Variants in USP13 observed in about 807,000 individuals in gnomAD.
The protein encoded by USP13 is ubiquitin specific peptidase 13.
USP13 carries 68 observed loss-of-function variants against 107.8 expected under a neutral mutation model. The ratio of observed to expected loss-of-function variants is 0.63; its 90% CI spans 0.52 to 0.77. The LOEUF is 0.77. USP13 is among the 30% of genes least tolerant of loss of function. The probability of loss-of-function intolerance (pLI) is 0.00; values close to 1 mark genes in which losing one functional copy is unlikely to be tolerated. For synonymous variants in USP13, 377 were observed against 389.5 expected (o/e 0.97, Z 0.38); for missense variants, 945 against 1,093.3 (o/e 0.86, Z 1.91).
chr3:179,764,157 C>T lies in USP13; in HGVS notation c.2248C>T (p.Leu750=). ...GFQRNQAIQA[L]RATNNNLERA... ...TCAGCGAAATCAGGCTATTCAGGCA[C>T]TACGAGCAACGGTGAGCATGAGAGA... is the stretch of plus-strand genomic sequence containing the variant. The change falls in exon 18 of 21, where the codon CTA becomes TTA. Residue 750 remains leucine, a synonymous_variant. Transcript: ENST00000263966. 6.2e-7 allele frequency: 1 copy of T among 1,610,850 alleles called. No individual in the cohort carries two copies. Among genetic ancestry groups the T allele is most frequent in the Non-Finnish European group, 8.5e-7 (1 of 1,179,516 alleles).
intron 10 of USP13, among the ~76,000 whole-genome samples, chr3:179,733,221 A>G (rs1212313623): frequency 1.3e-5 from 2 of 152,166 alleles, no homozygotes; most frequent in African/African-American, 4.8e-5. Flanking sequence ...GGTCTTGAAG[A>G]AAGAATCTTG....
chr3:179,706,897 A>T (rs776782792), intron 4 of USP13, 37 bp from the exon 5 acceptor site: 63 of 1,559,750 alleles, frequency 4.0e-5, no homozygotes, highest in Non-Finnish European at 8.7e-7. Flanking sequence ...ATTTTCTCAA[A>T]CTGTTTTTAT....
chr3:179,741,369 C>A (rs1714194316), intron 11 of USP13, among the ~76,000 whole-genome samples: 1 of 152,136 alleles, frequency 6.6e-6, no homozygotes, highest in Non-Finnish European at 1.5e-5. Flanking sequence ...AGTGGTTTCT[C>A]TTGTCTGCCT....
At chr3:179,728,950 A>AGGGAGAGGGAGACCGTG (rs1273165166) in intron 8 of USP13, among the ~76,000 whole-genome samples, 3 of 150,228 alleles carry the variant, frequency 2.0e-5, no homozygotes, top group African/African-American at 7.3e-5. Context: ...CCGTGGAGAG[A>AGGGAGAGGGAGACCGTG]GGGAGAGGGA....
At chr3:179,655,323 A>G (rs1475284347) in intron 1 of USP13, among the ~76,000 whole-genome samples, 1 of 152,144 alleles carries the variant, frequency 6.6e-6, no homozygotes, top group Non-Finnish European at 1.5e-5. Context: ...ATTTCCACAA[A>G]TAGTTATTGG....
chr3:179,677,153 C>T (rs905138015), intron 1 of USP13, among the ~76,000 whole-genome samples: 17 of 151,906 alleles, frequency 1.1e-4, no homozygotes, highest in African/African-American at 3.9e-4. Context: ...CCACTGTGCC[C>T]GGCCACCTGT....
At position 179,682,256 on chromosome 3, in the gene USP13, A is replaced by AAC. The variant is rs931908761; in HGVS notation, c.294+254_294+255dup. On this transcript the variant is annotated intron_variant, in intron 2 of 20. Transcript: ENST00000263966. ...ATAGATTGACTAATTGGAAAAAAAAAACCGAAACTAGGTTTAAAAATACAG... is the reference window on the plus strand; with the variant it reads ...ATAGATTGACTAATTGGAAAAAAAAAACACCGAAACTAGGTTTAAAAATACAG... 1.1e-4 allele frequency among the ~76,000 whole-genome samples: 16 copies of AAC among 150,950 alleles called. 1 individual carries two copies. The highest frequency in any genetic ancestry group is 3.9e-4 in the African/African-American group (16 of 41,172).
At chr3:179,725,523 C>T (rs983468958) in intron 8 of USP13, among the ~76,000 whole-genome samples, 5 of 152,222 alleles carry the variant, frequency 3.3e-5, no homozygotes, top group African/African-American at 1.2e-4. Context: ...TGAGCTACAA[C>T]TTCTGAGTCT....
chr3:179,761,206 G>A lies in USP13; in HGVS notation c.2043G>A (p.Met681Ile). ...CRKAVYFTGN[M>I]GAEVAFNWII... ...AGGCTGTGTACTTCACTGGAAATATGGGCGCCGAGGTGGCCTTCAACTGGA... is the reference window on the plus strand; with the variant it reads ...AGGCTGTGTACTTCACTGGAAATATAGGCGCCGAGGTGGCCTTCAACTGGA... The change falls in exon 17 of 21, where the codon ATG becomes ATA. Residue 681 changes from methionine to isoleucine, a missense_variant. Coordinates refer to ENST00000263966, the MANE Select transcript of USP13 (RefSeq NM_003940.3). 1.2e-6 allele frequency: 2 copies of A among 1,614,174 alleles called. No homozygotes were observed. The highest frequency in any genetic ancestry group is 1.7e-6 in the Non-Finnish European group (2 of 1,180,036).
intron 18 of USP13, 70 bp from the exon 19 acceptor site, chr3:179,765,625 A>G: frequency 6.5e-7 from 1 of 1,540,002 alleles, no homozygotes; most frequent in Non-Finnish European, 8.8e-7. Flanking sequence ...ATCTAGTTGA[A>G]ATGGTCAGGA....
intron 10 of USP13, among the ~76,000 whole-genome samples, chr3:179,731,460 G>A (rs1713802003): frequency 6.6e-6 from 1 of 152,156 alleles, no homozygotes; most frequent in Admixed American, 6.5e-5. Context: ...CCGTAGGACT[G>A]AGGAATCAGA....
intron 16 of USP13, among the ~76,000 whole-genome samples, chr3:179,758,103 A>G (rs1576982160): frequency 6.6e-6 from 1 of 152,110 alleles, no homozygotes; most frequent in South Asian, 2.1e-4. Context: ...AAGGTCCCAT[A>G]TCATGGTAGG....
intron 5 of USP13, 128 bp downstream of exon 5, chr3:179,707,204 A>G (rs1337543601): frequency 3.2e-6 from 4 of 1,237,496 alleles, no homozygotes; most frequent in African/African-American, 1.5e-5. Flanking sequence ...AAAAGTAAAT[A>G]TAAAACTTCT....
At chr3:179,677,528 C>T (rs957139498) in intron 1 of USP13, among the ~76,000 whole-genome samples, 1 of 151,796 alleles carries the variant, frequency 6.6e-6, no homozygotes, top group Non-Finnish European at 1.5e-5. Context: ...TGCGTTGAGC[C>T]AAGATCGCGC....
chr3:179,723,868 C>G (rs567427293), intron 8 of USP13, among the ~76,000 whole-genome samples: 1 of 152,122 alleles, frequency 6.6e-6, no homozygotes, highest in African/African-American at 2.4e-5. Context: ...AAAAGTGACT[C>G]AGGGCCTGGC....
At position 179,784,223 on chromosome 3, in the gene USP13, A is replaced by G; in HGVS notation, c.*82A>G. The G allele has an allele frequency of 9.0e-7, 1 of 1,109,836 alleles. No individual in the cohort carries two copies. The highest frequency in any genetic ancestry group is 1.3e-6 in the Non-Finnish European group (1 of 753,796). The allele number at this position is 1,109,836 out of a possible 1,614,324, so 68.7% of individuals were successfully genotyped here. ...AAAAAAAGAAGAAGAAGAAGTTGAA[A>G]CAACTAGACATGAAGGAATATATGG... On this transcript the variant is annotated 3_prime_UTR_variant, in exon 21 of 21. Coordinates refer to ENST00000263966, the MANE Select transcript of USP13 (RefSeq NM_003940.3).
chr3:179,695,707 C>T (rs1712300294), intron 3 of USP13, among the ~76,000 whole-genome samples: 1 of 152,118 alleles, frequency 6.6e-6, no homozygotes. Flanking sequence ...TTTTTCCCCT[C>T]CCTTCCCTGT....
chr3:179,750,326 G>GTATATATATATATATATGTGTGTA (rs1714563226), intron 13 of USP13, among the ~76,000 whole-genome samples: 1 of 75,828 alleles, frequency 1.3e-5, no homozygotes, highest in Non-Finnish European at 3.0e-5. Flanking sequence ...ATATATGTGT[G>GTATATATATATATATATGTGTGTA]TATATATATA....
In USP13 at chr3:179,701,195, C is replaced by T. The variant is rs961496766; in HGVS notation, c.477+66C>T. On this transcript the variant is annotated intron_variant, in intron 4 of 20. Transcript: ENST00000263966. ...TCTGTGTCAGGTGTGTGTGCGTGTG[C>T]GATGTGTGTGTGCGGGGGTGGGGTG... 1.6e-4 allele frequency: 64 copies of T among 410,822 alleles called. 1 individual carries two copies. The Admixed American group carries it at 2.6e-3, about 17-fold the overall frequency. The allele number at this position is 410,822 out of a possible 1,614,324, so 25.4% of individuals were successfully genotyped here.
Sources: gnomAD v4.1 joint callset for allele counts (sites outside exome capture counted in the v4.1 genomes callset) on GRCh38, gnomAD v4.1.1 for gene constraint, MANE v1.5 for transcripts, NCBI Gene and HGNC (gene_info 2026-07-23, HGNC 2026-07-21) for gene names.